The following TMEM120A variants were observed in gnomAD, a reference collection of about 807,000 sequenced individuals.
TMEM120A encodes the protein ion channel TACAN.
In TMEM120A, 45 loss-of-function variants were observed where a neutral mutation model predicts 54.3. The observed-to-expected ratio is 0.83, with a 90% confidence interval of 0.65 to 1.06. TMEM120A has a LOEUF of 1.06. TMEM120A is among the 50% of genes least tolerant of loss of function. TMEM120A has a pLI of 0.00. For synonymous variants in TMEM120A, 204 were observed against 178.5 expected, an observed-to-expected ratio of 1.14 and a Z score of -1.14; for missense variants, 424 against 441.7, an observed-to-expected ratio of 0.96 and a Z score of 0.36.
At chr7:75,990,181 C>T (rs547639077) in intron 3 of TMEM120A, among the ~76,000 whole-genome samples, 100 of 152,258 alleles carry the variant, frequency 6.6e-4, no homozygotes, top group African/African-American at 2.3e-3. Context: ...CCACTCAGCT[C>T]GCCATCTGGT....
rs1433629875 is a variant in TMEM120A, at chr7:75,986,866, A to G, written c.*306T>C. On this transcript the variant is annotated 3_prime_UTR_variant, in exon 12 of 12. Transcript: ENST00000493111. ...GTTCTGTTTTCTGTATTTGCCTGGT[A>G]TTGTGTGAGTAGATCTGGGACCTCC... 2.8e-5 allele frequency: 16 copies of G among 579,916 alleles called. No individual in the cohort carries two copies. Among genetic ancestry groups the G allele is most frequent in the African/African-American group, 2.4e-4 (13 of 53,650 alleles). The allele number at this position is 579,916 out of a possible 1,614,324, so 35.9% of individuals were successfully genotyped here.
At position 75,994,595 on chromosome 7, in the gene TMEM120A, T is replaced by C. The variant is rs782288318; in HGVS notation, c.-25A>G. On this transcript the variant is annotated 5_prime_UTR_variant, in exon 1 of 12. Coordinates refer to ENST00000493111, the MANE Select transcript of TMEM120A (RefSeq NM_031925.3). ...TGGCTGCAGCGCCAGTAGCCAGTAG[T>C]GGAGGACGGCGCAGCAACCCCGGCC... 1.0e-5 allele frequency: 15 copies of C among 1,501,086 alleles called. No homozygotes were observed. Among genetic ancestry groups the C allele is most frequent in the Middle Eastern group, 1.8e-4 (1 of 5,552 alleles). 93.0% of individuals were successfully genotyped at this position (1,501,086 alleles called of 1,614,324 possible). A position where few individuals can be genotyped will look rare whatever the true frequency, so the allele number is the denominator to read the frequency against.
intron 9 of TMEM120A, 53 bp downstream of exon 9, chr7:75,987,665 C>T: frequency 6.2e-7 from 1 of 1,606,290 alleles, no homozygotes; most frequent in South Asian, 1.1e-5. Flanking sequence ...CCACTCAGAC[C>T]CGGGATGGGA....
rs1312323786 is a variant in TMEM120A, at chr7:75,992,478, T to C, written c.161A>G (p.Gln54Arg). 1 of 1,598,230 alleles carries C rather than the reference T, an allele frequency of 6.3e-7. No individual in the cohort carries two copies. The highest frequency in any genetic ancestry group is 8.5e-7 in the Non-Finnish European group (1 of 1,172,650). The change falls in exon 2 of 12, where the codon CAG (glutamine) becomes CGG (arginine). Residue 54 changes from glutamine (Q) to arginine (R), a missense_variant. Gln to Arg is a conservative substitution (Grantham distance 43). Coordinates refer to ENST00000493111, the MANE Select transcript of TMEM120A (RefSeq NM_031925.3). ...QNNCTSSITR[Q>R]KKRLQELALA... is the part of the protein sequence containing the mutation. The stretch of plus-strand genomic sequence containing the variant: ...GGCCAGCTCCTGGAGCCGCTTCTTC[T>C]GCCGCGTGATGGAGCTGGTGCAATT...
chr7:75,992,667 C>T, intron 1 of TMEM120A, 110 bp from the exon 2 acceptor site: 1 of 744,470 alleles, frequency 1.3e-6, no homozygotes, highest in Non-Finnish European at 2.2e-6. Flanking sequence ...GGGTTTCGCT[C>T]AGCGGGAAAG....
rs527869687 is a variant in TMEM120A at position 75,994,030 on chromosome 7, C to T, written c.81+460G>A. Among the ~76,000 whole-genome samples the T allele has an allele frequency of 3.1e-3, 436 of 140,818 alleles. 1 individual carries two copies. In the Middle Eastern group the frequency reaches 0.031, roughly 10 times the overall value. 92.4% of individuals were successfully genotyped at this position (140,818 alleles called of 152,430 possible). A position where few individuals can be genotyped will look rare whatever the true frequency, so the allele number is the denominator to read the frequency against. On this transcript the variant is annotated intron_variant, in intron 1 of 11. Coordinates refer to ENST00000493111, the MANE Select transcript of TMEM120A (RefSeq NM_031925.3). ...GGCCTGTCAAGTCCCCTCTTTCCTT[C>T]CAAAGGCCTCGGCGGCGCGCGGTAT...
In TMEM120A at chr7:75,992,220, G is replaced by T; in HGVS notation, c.241C>A (p.Gln81Lys). The T allele has an allele frequency of 6.2e-7, 1 of 1,612,354 alleles. No homozygotes were observed. Among genetic ancestry groups the T allele is most frequent in the Non-Finnish European group, 8.5e-7 (1 of 1,179,280 alleles). ...TCTTTCATCTGGTTCTCCAGCTCCT[G>T]TGCGGCCCCCTCGGCCTCTGCTGGG... The part of the protein sequence containing the change: ...SLPAEAEGAA[Q>K]ELENQMKERQ... The change falls in exon 3 of 12, where the codon CAG (glutamine) becomes AAG (lysine). Residue 81 changes from glutamine to lysine, a missense_variant. Gln to Lys is a moderately conservative substitution (Grantham distance 53). Transcript: ENST00000493111.
chr7:75,987,653 T>A (rs1789582907), intron 9 of TMEM120A, 51 bp from the exon 10 acceptor site: 2 of 1,604,924 alleles, frequency 1.2e-6, no homozygotes. Flanking sequence ...GAGGGGACGC[T>A]ACCACTCAGA....
chr7:75,989,077 T>TGGAGGGTGAGGGGG, intron 4 of TMEM120A, 88 bp downstream of exon 4: 1 of 225,116 alleles, frequency 4.4e-6, no homozygotes, highest in Non-Finnish European at 8.4e-6. Context: ...GAAGGCTGGG[T>TGGAGGGTGAGGGGG]GGAGGGGTGG....
intron 3 of TMEM120A, among the ~76,000 whole-genome samples, chr7:75,990,085 C>A (rs1235000517): frequency 3.3e-5 from 5 of 152,164 alleles, no homozygotes; most frequent in Non-Finnish European, 5.9e-5. Flanking sequence ...CATGCTTCTC[C>A]CTCTACAGAA....
At position 75,992,543 on chromosome 7, in the gene TMEM120A, G is replaced by C. The variant is rs1554562109; in HGVS notation, c.96C>G (p.Leu32=). The part of the protein sequence containing the change: ...DFQNIQETHR[L]YRLKLEELTK... ...TCAGCTCCTCCAGCTTCAGGCGGTA[G>C]AGCCGATGGGTCTCCTGGGGGCCGG... is the stretch of plus-strand genomic sequence containing the variant. The change falls in exon 2 of 12, where the codon CTC becomes CTG. Residue 32 remains leucine, a synonymous_variant. Transcript: ENST00000493111. The C allele has an allele frequency of 1.9e-6, 3 of 1,578,788 alleles. No individual in the cohort carries two copies. The highest frequency in any genetic ancestry group is 1.7e-6 in the Non-Finnish European group (2 of 1,163,406).
rs1789874948 is a variant in TMEM120A at position 75,992,329 on chromosome 7, C to T, written c.201-69G>A. ...GTGTCCTCCCTGACTCCCACAGGGG[C>T]AGAAGGGCAAACAGGGCCCAGAGAG... On this transcript the variant is annotated intron_variant, in intron 2 of 11. Coordinates refer to ENST00000493111, the MANE Select transcript of TMEM120A (RefSeq NM_031925.3). 9 of 1,554,052 alleles carry T rather than the reference C, an allele frequency of 5.8e-6. No individual in the cohort carries two copies. In the East Asian group the frequency reaches 2.0e-4, roughly 35 times the overall value.
In TMEM120A at chr7:75,987,375, C is replaced by G. The variant is rs1414040292; in HGVS notation, c.903G>C (p.Gln301His). 3.8e-6 allele frequency: 6 copies of G among 1,566,046 alleles called. No individual in the cohort carries two copies. The highest frequency in any genetic ancestry group is 1.4e-5 in the African/African-American group (1 of 73,628). The part of the protein sequence containing the change: ...LTLFNLAQDP[Q>H]CKEWQVLMCG... Reference sequence around the variant, plus strand: ...CCCGGCTCACCTGCCACTCCTTGCACTGAGGGTCCTGGGCCAGGTTGAACA... The same window carrying G: ...CCCGGCTCACCTGCCACTCCTTGCAGTGAGGGTCCTGGGCCAGGTTGAACA... The change falls in exon 11 of 12, where the codon CAG (glutamine) becomes CAC (histidine). Residue 301 changes from glutamine (Q) to histidine (H), a missense_variant. Gln to His is a conservative substitution (Grantham distance 24). Coordinates refer to ENST00000493111, the MANE Select transcript of TMEM120A (RefSeq NM_031925.3).
chr7:75,987,344 A>G lies in TMEM120A; in HGVS notation c.918+16T>C. ...GCCTGGCCCCCCATCCATCCTGTCCAGGGACCCCGGCTCACCTGCCACTCC... is the reference window on the plus strand; with the variant it reads ...GCCTGGCCCCCCATCCATCCTGTCCGGGGACCCCGGCTCACCTGCCACTCC... On this transcript the variant is annotated intron_variant, in intron 11 of 11. Coordinates refer to ENST00000493111, the MANE Select transcript of TMEM120A (RefSeq NM_031925.3). The G allele has an allele frequency of 1.3e-6, 2 of 1,561,252 alleles. No homozygotes were observed. The highest frequency in any genetic ancestry group is 1.7e-6 in the Non-Finnish European group (2 of 1,153,832).
At chr7:75,990,117 C>T (rs1281132780) in intron 3 of TMEM120A, among the ~76,000 whole-genome samples, 3 of 152,194 alleles carry the variant, frequency 2.0e-5, no homozygotes, top group African/African-American at 7.2e-5. Context: ...CAGTGCTCCC[C>T]AAGCAGGCCA....
chr7:75,988,012 G>A (rs1554560453), intron 7 of TMEM120A, 28 bp from the exon 8 acceptor site: 10 of 1,594,476 alleles, frequency 6.3e-6, no homozygotes, highest in Non-Finnish European at 8.5e-6. Flanking sequence ...GGGCAGTGTG[G>A]GGACCCTTGG....
At chr7:75,991,455 C>T (rs1268380701) in intron 3 of TMEM120A, among the ~76,000 whole-genome samples, 3 of 152,118 alleles carry the variant, frequency 2.0e-5, no homozygotes, top group African/African-American at 7.2e-5. Context: ...GCCCAGGCTA[C>T]AGTCCGGTGG....
intron 3 of TMEM120A, among the ~76,000 whole-genome samples, chr7:75,990,919 A>AAC (rs1229301163): frequency 2.3e-4 from 35 of 149,992 alleles, no homozygotes; most frequent in African/African-American, 8.4e-4. Flanking sequence ...AAAAAAAAAA[A>AAC]AGTCTCCTAG....
rs782027172 is a variant in TMEM120A at position 75,988,233 on chromosome 7, C to CA, written c.563+18dup. 1.1e-5 allele frequency: 17 copies of CA among 1,611,918 alleles called. No homozygotes were observed. Among genetic ancestry groups the CA allele is most frequent in the Non-Finnish European group, 1.4e-5 (17 of 1,179,780 alleles). On this transcript the variant is annotated intron_variant, in intron 6 of 11. Transcript: ENST00000493111. ...CACCCCATTCCATGCTCCCCTCCCTCAGGGCCCGCCCTGCCCACCGGGAGC... is the reference window on the plus strand; with the variant it reads ...CACCCCATTCCATGCTCCCCTCCCTCAAGGGCCCGCCCTGCCCACCGGGAGC...
Sources: allele counts gnomAD v4.1 joint callset (sites outside exome capture counted in the v4.1 genomes callset), GRCh38; gene constraint gnomAD v4.1.1; transcripts MANE v1.5; gene names NCBI Gene and HGNC (gene_info 2026-07-23, HGNC 2026-07-21).